JMJD1C: variants seen among roughly 807,000 people sequenced by gnomAD.
The protein encoded by JMJD1C is jumonji domain-containing protein 1C.
JMJD1C carries 31 observed loss-of-function variants against 245.3 expected under a neutral mutation model. The ratio of observed to expected loss-of-function variants is 0.13; its 90% CI spans 0.09 to 0.17. The LOEUF is 0.17. Ranked by LOEUF, JMJD1C falls within the 10% of genes least tolerant of loss-of-function variation. JMJD1C has a pLI of 1.00. For synonymous variants in JMJD1C, 1,057 were observed against 1,017.4 expected (o/e 1.04, Z -0.74); for missense variants, 2,691 against 3,000.2 (o/e 0.90, Z 2.41).
rs527404156 is a variant in JMJD1C at position 63,182,671 on chromosome 10, C to A, written c.7084+776G>T. 5.9e-5 allele frequency among the ~76,000 whole-genome samples: 9 copies of A among 152,172 alleles called. No individual in the cohort carries two copies. The South Asian group carries it at 8.3e-4, about 14-fold the overall frequency. The stretch of plus-strand genomic sequence containing the variant: ...TTTGTAAAGAAGGGAATAACTGACA[C>A]CATGGTTTCAGAAAGAAATTGAGGG... On this transcript the variant is annotated intron_variant, in intron 22 of 25. Transcript: ENST00000399262.
At chr10:63,206,052 T>C (rs1846572080) in intron 10 of JMJD1C, among the ~76,000 whole-genome samples, 1 of 152,166 alleles carries the variant, frequency 6.6e-6, no homozygotes, top group Non-Finnish European at 1.5e-5. Flanking sequence ...CTATTTTATA[T>C]AAGGGATGTG....
chr10:63,265,701 T>A lies in JMJD1C; in HGVS notation c.334-937A>T, dbSNP rs185767858. On this transcript the variant is annotated intron_variant, in intron 2 of 25. Transcript: ENST00000399262. ...GCTGCTTTACTATAAAAAAATTTTT[T>A]AACTGGAAAAAAGTTCGGAAAACAG... 4.6e-5 allele frequency among the ~76,000 whole-genome samples: 7 copies of A among 152,298 alleles called. No homozygotes were observed. In the East Asian group the frequency reaches 1.2e-3, roughly 25 times the overall value.
intron 2 of JMJD1C, among the ~76,000 whole-genome samples, chr10:63,287,522 G>T (rs1858134244): frequency 6.6e-6 from 1 of 152,158 alleles, no homozygotes. Context: ...GATAGTGAAG[G>T]TCTATCTAGA....
At chr10:63,374,319 T>C (rs762836693) in intron 2 of JMJD1C, among the ~76,000 whole-genome samples, 6 of 152,210 alleles carry the variant, frequency 3.9e-5, no homozygotes, top group Non-Finnish European at 8.8e-5. Context: ...TATTTTCAAA[T>C]ATCCAATTAG....
intron 2 of JMJD1C, among the ~76,000 whole-genome samples, chr10:63,327,715 C>G (rs1941685824): frequency 1.3e-5 from 2 of 151,608 alleles, no homozygotes; most frequent in South Asian, 4.2e-4. Context: ...GTTCCCCAGG[C>G]TGGAGGGCAA....
intron 13 of JMJD1C, among the ~76,000 whole-genome samples, chr10:63,196,264 A>G (rs1038332462): frequency 9.8e-5 from 15 of 152,296 alleles, no homozygotes; most frequent in African/African-American, 3.4e-4. Flanking sequence ...TCCAAAAAAA[A>G]AAGAAAAAGA....
rs865803258 is a variant in JMJD1C at position 63,398,345 on chromosome 10, C to A, written c.169-17863G>T. On this transcript the variant is annotated intron_variant, in intron 1 of 25. Transcript: ENST00000399262. ...GGTTAAAGAAATAAAGTCATTTCTC[C>A]CATACAGCCTTCAATTACCTGTATT... Among the ~76,000 whole-genome samples the A allele has an allele frequency of 6.6e-5, 10 of 152,050 alleles. 1 individual carries two copies. Among genetic ancestry groups the A allele is most frequent in the African/African-American group, 1.9e-4 (8 of 41,372 alleles).
Position 63,514,961 on chromosome 10 carries a change from A to T in JMJD1C, n.113+6777T>A, listed in dbSNP as rs199649092. On this transcript the variant is annotated intron_variant and non_coding_transcript_variant, in intron 1 of 3. Coordinates refer to the JMJD1C transcript ENST00000633035. ...AATAATACTAAGTATTTTTTTTTTT[A>T]AAGCCTACAGTAAACAGGTGTTTTG... Among the ~76,000 whole-genome samples, 42 of 147,776 alleles carry T rather than the reference A, an allele frequency of 2.8e-4. No individual in the cohort carries two copies. The South Asian group carries it at 3.9e-3, about 14-fold the overall frequency.
At chr10:63,282,516 A>T (rs1389756737) in intron 2 of JMJD1C, among the ~76,000 whole-genome samples, 2 of 152,194 alleles carry the variant, frequency 1.3e-5, no homozygotes, top group Non-Finnish European at 2.9e-5. Flanking sequence ...GACCTTTTTC[A>T]CACAATTAAA....
chr10:63,371,762 G>A (rs1946342483), intron 2 of JMJD1C, among the ~76,000 whole-genome samples: 1 of 152,152 alleles, frequency 6.6e-6, no homozygotes, highest in South Asian at 2.1e-4. Context: ...ATACATGCCA[G>A]TATTAGAGTT....
chr10:63,209,464 TTTA>T (rs1400022794), intron 8 of JMJD1C, among the ~76,000 whole-genome samples: 3 of 152,182 alleles, frequency 2.0e-5, no homozygotes, highest in Non-Finnish European at 2.9e-5. Context: ...TATTAAATAA[TTTA>T]TTGTCATCTT....
chr10:63,196,435 C>G (rs1052290567), intron 13 of JMJD1C, among the ~76,000 whole-genome samples: 1 of 152,078 alleles, frequency 6.6e-6, no homozygotes, highest in Non-Finnish European at 1.5e-5. Flanking sequence ...CTCATATTAA[C>G]ATATTTATTG....
chr10:63,326,834 G>A (rs942492550), intron 2 of JMJD1C, among the ~76,000 whole-genome samples: 1 of 152,116 alleles, frequency 6.6e-6, no homozygotes, highest in African/African-American at 2.4e-5. Flanking sequence ...AGCCGAGATC[G>A]TGCCATTGCA....
intron 1 of JMJD1C, among the ~76,000 whole-genome samples, chr10:63,433,941 A>C (rs1950923817): frequency 6.6e-6 from 1 of 151,780 alleles, no homozygotes; most frequent in African/African-American, 2.4e-5. Context: ...AACAATTTAG[A>C]GAGGGTATGC....
intron 3 of JMJD1C, among the ~76,000 whole-genome samples, chr10:63,232,298 G>A (rs1850127857): frequency 6.6e-6 from 1 of 151,814 alleles, no homozygotes; most frequent in African/African-American, 2.4e-5. Context: ...AAAAACCACT[G>A]ATCTTTTAAA....
At chr10:63,195,375 G>T (rs1187733241) in intron 13 of JMJD1C, among the ~76,000 whole-genome samples, 2 of 146,742 alleles carry the variant, frequency 1.4e-5, no homozygotes, top group African/African-American at 2.5e-5. Context: ...AAAAAATCTA[G>T]AACTATTGTT....
intron 1 of JMJD1C, among the ~76,000 whole-genome samples, chr10:63,459,501 C>T (rs1203835006): frequency 6.6e-6 from 1 of 152,138 alleles, no homozygotes; most frequent in Non-Finnish European, 1.5e-5. Flanking sequence ...AAACTCAATG[C>T]TATTTCTTAT....
chr10:63,184,857 AT>A (rs1487646946), intron 20 of JMJD1C, 119 bp from the exon 21 acceptor site: 6 of 908,334 alleles, frequency 6.6e-6, no homozygotes, highest in Non-Finnish European at 9.7e-6. Flanking sequence ...ACAGGTAACA[AT>A]TTTCCTTGAC....
chr10:63,204,623 A>G (rs1846387297), intron 10 of JMJD1C: 1 of 985,260 alleles, frequency 1.0e-6, no homozygotes, highest in Admixed American at 6.2e-5. Context: ...GTAGTGAGGG[A>G]GAGTAAGGGG....
Sources: gnomAD v4.1 joint callset for allele counts (sites outside exome capture counted in the v4.1 genomes callset) on GRCh38, gnomAD v4.1.1 for gene constraint, MANE v1.5 for transcripts, NCBI Gene and HGNC (gene_info 2026-07-23, HGNC 2026-07-21) for gene names.